The following RGN variants were observed in gnomAD, a reference collection of about 807,000 sequenced individuals.
RGN encodes the protein regucalcin, also known as epididymis secretory protein Li 41.
RGN carries 19 observed loss-of-function variants against 20.6 expected under a neutral mutation model. The ratio of observed to expected loss-of-function variants is 0.92; its 90% confidence interval spans 0.64 to 1.35. The LOEUF (loss-of-function observed/expected upper bound fraction) is 1.35. Ranked by LOEUF, RGN falls within the 40% of genes most tolerant of loss-of-function variation. The pLI is 0.00. For synonymous variants in RGN, 85 were observed against 87.2 expected (o/e 0.97, Z 0.14); for missense variants, 302 against 232.7 (o/e 1.30, Z -1.94).
intron 5 of RGN, among the ~76,000 whole-genome samples, chrX:47,091,320 G>C (rs1556387747): frequency 8.9e-6 from 1 of 111,872 alleles, no homozygotes; most frequent in Non-Finnish European, 1.9e-5. Flanking sequence ...GATCTCAAGA[G>C]TTTTGTAACT....
chrX:47,087,545 T>C (rs1002200820), intron 4 of RGN: 19 of 110,823 alleles, frequency 1.7e-4, no homozygotes, highest in African/African-American at 5.9e-4. Flanking sequence ...GTTGGAACGA[T>C]AGAGAGAAGA....
In RGN at chrX:47,092,889, T is replaced by A; in HGVS notation, c.850-8T>A. ...TCACCTGAGATTCCCTCTTTTCTTT[T>A]TCAACAGATAACTGGTCTGGGGGTC... On this transcript the variant is annotated splice_region_variant and splice_polypyrimidine_tract_variant and intron_variant, in intron 7 of 7. Transcript: ENST00000397180. 8.3e-7 allele frequency: 1 copy of A among 1,201,104 alleles called. No homozygotes were observed. Among genetic ancestry groups the A allele is most frequent in the Non-Finnish European group, 1.1e-6 (1 of 886,233 alleles).
chrX:47,085,390 G>A (rs782784253), intron 4 of RGN, among the ~76,000 whole-genome samples: 64 of 109,843 alleles, frequency 5.8e-4, no homozygotes, highest in African/African-American at 2.0e-3. Context: ...CGTGGTGGGC[G>A]CCTGTAGTCC....
rs781941953 is a variant in RGN, at chrX:47,081,326, CTCAGA to C, written c.163+24_163+28del. Reference sequence around the variant, plus strand: ...ACCATGGGTAAGGATGAAGGCTGGACTCAGATCAGCCAGCTACCTTTTCCCAGGGG... The same window carrying C: ...ACCATGGGTAAGGATGAAGGCTGGACTCAGCCAGCTACCTTTTCCCAGGGG... On this transcript the variant is annotated intron_variant, in intron 3 of 7. Coordinates refer to ENST00000397180, the MANE Select transcript of RGN (RefSeq NM_152869.4). The C allele has an allele frequency of 1.8e-5, 22 of 1,200,338 alleles. No homozygotes were observed. The South Asian group carries it at 2.7e-4, about 15-fold the overall frequency.
At chrX:47,088,809 C>G (rs1165517975) in intron 4 of RGN, among the ~76,000 whole-genome samples, 1 of 106,125 alleles carries the variant, frequency 9.4e-6, no homozygotes, top group Non-Finnish European at 1.9e-5. Flanking sequence ...GTGGCTTACT[C>G]CCATAGTCCC....
In RGN at chrX:47,090,931, A is replaced by AGAAG. The variant is rs1569540732; in HGVS notation, c.563-744_563-743insGGAA. Among the ~76,000 whole-genome samples, 286 of 29,512 alleles carry AGAAG rather than the reference A, an allele frequency of 9.7e-3. 21 individuals are homozygous for AGAAG. The highest frequency in any genetic ancestry group is 0.017 in the Non-Finnish European group (199 of 11,554). The allele number at this position is 29,512 out of a possible 115,157, so 25.6% of individuals were successfully genotyped here. ...AAAGAAGAAGGAAAGAAAGAAAGAA[A>AGAAG]GAAAGAAAGAAAGAAAGAAAGAAAG... On this transcript the variant is annotated intron_variant, in intron 5 of 7. Coordinates refer to ENST00000397180, the MANE Select transcript of RGN (RefSeq NM_152869.4).
chrX:47,089,814 C>T lies in RGN; in HGVS notation c.385C>T (p.Arg129Trp), dbSNP rs368609419. 40 of 1,202,656 alleles carry T rather than the reference C, an allele frequency of 3.3e-5. No homozygotes were observed. Among genetic ancestry groups the T allele is most frequent in the South Asian group, 7.1e-5 (4 of 56,178 alleles). Residue 129 changes from arginine to tryptophan, a missense_variant, in exon 5 of 8, where the codon CGG becomes TGG. Physicochemically the swap from Arg to Trp is moderately radical, Grantham distance 101. Transcript: ENST00000397180. ...GGAAACAGCTCCAGCAGTTCTTGAG[C>T]GGCACCAGGGGGCCCTGTACTCCCT... ...AEETAPAVLE[R>W]HQGALYSLFP...
At chrX:47,083,636 C>T (rs964393659) in intron 3 of RGN, among the ~76,000 whole-genome samples, 14 of 111,885 alleles carry the variant, frequency 1.3e-4, no homozygotes, top group Admixed American at 2.8e-4. Context: ...CTGGGCCTGG[C>T]GTGGTGGCTC....
chrX:47,091,365 A>G (rs1931005876), intron 5 of RGN, among the ~76,000 whole-genome samples: 1 of 112,056 alleles, frequency 8.9e-6, no homozygotes, highest in Admixed American at 9.6e-5. Flanking sequence ...GCTGACATGT[A>G]CTTGACATAG....
chrX:47,090,528 C>T (rs1930898546), intron 5 of RGN, among the ~76,000 whole-genome samples: 1 of 109,577 alleles, frequency 9.1e-6, no homozygotes, highest in Non-Finnish European at 1.9e-5. Flanking sequence ...TCCATCAATA[C>T]GCTTGAAAGG....
At chrX:47,086,611 G>A (rs1388066832) in intron 4 of RGN, among the ~76,000 whole-genome samples, 3 of 109,458 alleles carry the variant, frequency 2.7e-5, no homozygotes, top group African/African-American at 1.0e-4. Context: ...CTCTGCAGAG[G>A]TCTGAAAGAT....
intron 4 of RGN, among the ~76,000 whole-genome samples, chrX:47,086,734 G>GGAGGGAGA (rs1930604331): frequency 2.0e-5 from 1 of 50,501 alleles, no homozygotes; most frequent in East Asian, 7.6e-4. Flanking sequence ...AGTGATAACA[G>GGAGGGAGA]GAGAGAGAGA....
At chrX:47,081,983 A>G (rs929444823) in intron 3 of RGN, among the ~76,000 whole-genome samples, 1 of 112,230 alleles carries the variant, frequency 8.9e-6, no homozygotes, top group African/African-American at 3.2e-5. Context: ...ACAAAACAAA[A>G]CAAAACAAAA....
intron 4 of RGN, among the ~76,000 whole-genome samples, 189 bp from the exon 5 acceptor site, chrX:47,089,587 A>AT (rs1569540573): frequency 2.0e-5 from 1 of 50,148 alleles, no homozygotes; most frequent in Non-Finnish European, 3.1e-5. Flanking sequence ...CTTTATATAT[A>AT]TATATATATA....
chrX:47,091,456 C>T (rs1282261397), intron 5 of RGN, among the ~76,000 whole-genome samples: 5 of 111,707 alleles, frequency 4.5e-5, no homozygotes, highest in Admixed American at 1.9e-4. Context: ...TCTTTTTTCT[C>T]TCTCCATCTG....
At chrX:47,083,307 G>C (rs1556382304) in intron 3 of RGN, among the ~76,000 whole-genome samples, 1 of 108,961 alleles carries the variant, frequency 9.2e-6, no homozygotes. Flanking sequence ...GCTGAGGCAG[G>C]AGAATCCTTT....
At chrX:47,084,682 G>C in intron 4 of RGN, 82 bp downstream of exon 4, 3 of 907,794 alleles carry the variant, frequency 3.3e-6, no homozygotes, top group Non-Finnish European at 4.5e-6. Flanking sequence ...ACTGACCAGG[G>C]TGGTGGCTCC....
At chrX:47,084,687 G>T (rs1930508433) in intron 4 of RGN, 87 bp downstream of exon 4, 2 of 850,626 alleles carry the variant, frequency 2.4e-6, no homozygotes, top group South Asian at 2.8e-5. Context: ...CCAGGGTGGT[G>T]GCTCCCGCCT....
chrX:47,084,425 A>C lies in RGN; in HGVS notation c.171A>C (p.Pro57=), dbSNP rs185247069. 625 of 1,199,867 alleles carry C rather than the reference A, an allele frequency of 5.2e-4. 5 individuals are homozygous for C. The East Asian group carries it at 0.016, about 31-fold the overall frequency. ...GTTGCTTTACCTCTACAGATGCCCC[A>C]GTCAGCTCCGTGGCTCTTCGCCAGT... ...KQVQRVTMDA[P]VSSVALRQSG... Residue 57 remains proline (P), a synonymous_variant, in exon 4 of 8, where the codon CCA becomes CCC. Transcript: ENST00000397180.
Sources: gnomAD v4.1 joint callset for allele counts (sites outside exome capture counted in the v4.1 genomes callset) on GRCh38, gnomAD v4.1.1 for gene constraint, MANE v1.5 for transcripts, NCBI Gene and HGNC (gene_info 2026-07-23, HGNC 2026-07-21) for gene names.